Variants in ENOX1 observed in about 807,000 individuals in gnomAD.
ENOX1 encodes the protein ecto-NOX disulfide-thiol exchanger 1.
Under a neutral mutation model 82.5 loss-of-function variants are expected in ENOX1, and 42 were observed. The observed-to-expected ratio is 0.51, with a 90% CI of 0.40 to 0.66. ENOX1 has a LOEUF of 0.66. Among genes scored for constraint, ENOX1 ranks in the 30% least tolerant of loss-of-function variants. The pLI is 0.00. For missense variants in ENOX1, 608 were observed against 811.6 expected, an observed-to-expected ratio of 0.75 and a Z score of 3.05; for synonymous variants, 271 against 282.2, an observed-to-expected ratio of 0.96 and a Z score of 0.40.
chr13:43,612,974 T>A (rs1332439617), intron 2 of ENOX1, among the ~76,000 whole-genome samples: 2 of 152,162 alleles, frequency 1.3e-5, no homozygotes, highest in Non-Finnish European at 2.9e-5. Flanking sequence ...GATCAAAAAA[T>A]TTGATATTTG....
intron 2 of ENOX1, among the ~76,000 whole-genome samples, chr13:43,521,414 C>A (rs1411238643): frequency 6.6e-6 from 1 of 151,972 alleles, no homozygotes; most frequent in Admixed American, 6.6e-5. Flanking sequence ...ATCAGAGGCT[C>A]ATGTCAGGCT....
chr13:43,756,244 T>C (rs375330326), intron 1 of ENOX1, among the ~76,000 whole-genome samples: 1 of 151,906 alleles, frequency 6.6e-6, no homozygotes, highest in Non-Finnish European at 1.5e-5. Flanking sequence ...CTGGACACTA[T>C]GGCAAAACCC....
chr13:43,616,147 T>G lies in ENOX1; in HGVS notation c.-219+51332A>C, dbSNP rs1162442661. ...ATAGATATCTATCTATCTAGATATC[T>G]ATATAGATAGATATCTATCTATCTA... is the stretch of plus-strand genomic sequence containing the variant. On this transcript the variant is annotated intron_variant, in intron 2 of 16. Coordinates refer to ENST00000690772, the MANE Select transcript of ENOX1 (RefSeq NM_001347969.2). Among the ~76,000 whole-genome samples the G allele has an allele frequency of 1.7e-4, 10 of 59,078 alleles. 3 individuals carry two copies. Among genetic ancestry groups the G allele is most frequent in the African/African-American group, 5.6e-4 (10 of 17,800 alleles). 38.8% of individuals were successfully genotyped at this position (59,078 alleles called of 152,430 possible). A position where few individuals can be genotyped will look rare whatever the true frequency, so the allele number is the denominator to read the frequency against.
chr13:43,319,486 TATC>T (rs1442659004), intron 11 of ENOX1, among the ~76,000 whole-genome samples: 1 of 152,060 alleles, frequency 6.6e-6, no homozygotes, highest in Non-Finnish European at 1.5e-5. Flanking sequence ...AAACCCAAGG[TATC>T]ATATAAGTCC....
intron 11 of ENOX1, among the ~76,000 whole-genome samples, chr13:43,306,295 C>A (rs1261998186): frequency 6.6e-6 from 1 of 152,172 alleles, no homozygotes; most frequent in Non-Finnish European, 1.5e-5. Flanking sequence ...AGCCCCAAGG[C>A]CAGGCAGGAG....
chr13:43,480,839 A>T (rs904814711), intron 3 of ENOX1, among the ~76,000 whole-genome samples: 1 of 152,210 alleles, frequency 6.6e-6, no homozygotes, highest in African/African-American at 2.4e-5. Context: ...ACTAGTAAGG[A>T]GATTGAGTCA....
At chr13:43,381,033 C>T (rs1474534826) in intron 5 of ENOX1, among the ~76,000 whole-genome samples, 1 of 151,760 alleles carries the variant, frequency 6.6e-6, no homozygotes, top group Non-Finnish European at 1.5e-5. Context: ...ATATAAAAAT[C>T]TAAATAATAT....
At chr13:43,449,673 T>A (rs187507501) in intron 3 of ENOX1, among the ~76,000 whole-genome samples, 1 of 151,700 alleles carries the variant, frequency 6.6e-6, no homozygotes, top group Admixed American at 6.6e-5. Context: ...TACTTCTTAT[T>A]GTTTTTTTTT....
intron 1 of ENOX1, among the ~76,000 whole-genome samples, chr13:43,671,482 T>G (rs1017411159): frequency 1.3e-5 from 2 of 152,170 alleles, no homozygotes; most frequent in African/African-American, 4.8e-5. Flanking sequence ...TCTCAAAAAC[T>G]ACAGCAGCCT....
At chr13:43,500,958 A>G (rs1364272298) in intron 2 of ENOX1, among the ~76,000 whole-genome samples, 2 of 151,904 alleles carry the variant, frequency 1.3e-5, no homozygotes, top group Non-Finnish European at 2.9e-5. Flanking sequence ...TTATTACTAC[A>G]AAAGCTCACA....
At chr13:43,637,924 C>T (rs1334092027) in intron 2 of ENOX1, among the ~76,000 whole-genome samples, 2 of 152,174 alleles carry the variant, frequency 1.3e-5, no homozygotes, top group South Asian at 2.1e-4. Flanking sequence ...ATAGGAAAGA[C>T]TCCCATTATA....
At chr13:43,247,671 G>C (rs1390583243) in intron 14 of ENOX1, among the ~76,000 whole-genome samples, 1 of 148,942 alleles carries the variant, frequency 6.7e-6, no homozygotes, top group African/African-American at 2.5e-5. Context: ...CCTCTTGCAC[G>C]GTCCCAGTGC....
At chr13:43,469,803 A>G (rs1025449514) in intron 3 of ENOX1, among the ~76,000 whole-genome samples, 4 of 151,974 alleles carry the variant, frequency 2.6e-5, no homozygotes, top group African/African-American at 9.7e-5. Flanking sequence ...GAACTAGGAT[A>G]TACAAACCAA....
intron 2 of ENOX1, among the ~76,000 whole-genome samples, chr13:43,597,006 C>T (rs1165275177): frequency 2.6e-5 from 4 of 152,128 alleles, no homozygotes; most frequent in South Asian, 2.1e-4. Flanking sequence ...CAGTTCCACA[C>T]GCTTAACAGG....
intron 2 of ENOX1, among the ~76,000 whole-genome samples, chr13:43,641,281 C>A (rs1433920896): frequency 6.6e-6 from 1 of 152,012 alleles, no homozygotes; most frequent in Admixed American, 6.6e-5. Flanking sequence ...AGAGAGGTGA[C>A]CCAAGAAAGC....
intron 2 of ENOX1, among the ~76,000 whole-genome samples, chr13:43,618,377 G>T (rs970042088): frequency 2.0e-5 from 3 of 152,124 alleles, no homozygotes; most frequent in African/African-American, 4.8e-5. Flanking sequence ...ATAGTTTCAG[G>T]TATCAGGTTT....
chr13:43,518,813 T>C (rs550414027), intron 2 of ENOX1, among the ~76,000 whole-genome samples: 2 of 152,302 alleles, frequency 1.3e-5, no homozygotes, highest in South Asian at 4.1e-4. Flanking sequence ...GCTTCAGATA[T>C]TGGTTTACCA....
intron 2 of ENOX1, among the ~76,000 whole-genome samples, chr13:43,500,957 C>CA (rs2076959972): frequency 6.6e-6 from 1 of 151,548 alleles, no homozygotes; most frequent in African/African-American, 2.4e-5. Flanking sequence ...CTTATTACTA[C>CA]AAAAGCTCAC....
At position 43,759,986 on chromosome 13, in the gene ENOX1, CTTCA is replaced by C. The variant is rs375816032; in HGVS notation, c.-285+26662_-285+26665del. On this transcript the variant is annotated intron_variant, in intron 1 of 16. Coordinates refer to ENST00000690772, the MANE Select transcript of ENOX1 (RefSeq NM_001347969.2). ...GTCTATCAAGAGAAGAAAATAACTGCTTCATTATCACAAAATTATGCACAATGGT... is the reference window on the plus strand; with the variant it reads ...GTCTATCAAGAGAAGAAAATAACTGCTTATCACAAAATTATGCACAATGGT... Among the ~76,000 whole-genome samples the C allele has an allele frequency of 6.8e-4, 104 of 152,304 alleles. No individual in the cohort carries two copies. In the East Asian group the frequency reaches 0.018, roughly 26 times the overall value.
Sources: allele counts gnomAD v4.1 joint callset (sites outside exome capture counted in the v4.1 genomes callset), GRCh38; gene constraint gnomAD v4.1.1; transcripts MANE v1.5; gene names NCBI Gene and HGNC (gene_info 2026-07-23, HGNC 2026-07-21).